The following PRRX2 variants were observed in gnomAD, a reference collection of about 807,000 sequenced individuals.
The protein encoded by PRRX2 is paired mesoderm homeobox protein 2.
PRRX2 carries 11 observed loss-of-function variants against 18.0 expected under a neutral mutation model. The ratio of observed to expected loss-of-function variants is 0.61; its 90% CI spans 0.39 to 1.01. The LOEUF (loss-of-function observed/expected upper bound fraction) is 1.01. PRRX2 is among the 50% of genes least tolerant of loss of function. The pLI is 0.01. For missense variants in PRRX2, 387 were observed against 351.0 expected (o/e 1.10, Z -0.82); for synonymous variants, 177 against 154.8 (o/e 1.14, Z -1.06).
chr9:129,673,493 A>C (rs1465427215), intron 1 of PRRX2, among the ~76,000 whole-genome samples: 1 of 152,142 alleles, frequency 6.6e-6, no homozygotes, highest in Non-Finnish European at 1.5e-5. Flanking sequence ...AGGTTCCCAA[A>C]ATTGACTTCA....
chr9:129,712,245 A>T (rs1343734549), intron 1 of PRRX2, among the ~76,000 whole-genome samples: 2 of 152,224 alleles, frequency 1.3e-5, no homozygotes, highest in Non-Finnish European at 2.9e-5. Flanking sequence ...AATGCTAATT[A>T]ATAAAAGTTA....
In PRRX2 at chr9:129,681,067, G is replaced by A. The variant is rs866933711; in HGVS notation, c.259+14941G>A. On this transcript the variant is annotated intron_variant, in intron 1 of 3. Coordinates refer to ENST00000372469, the MANE Select transcript of PRRX2 (RefSeq NM_016307.4). ...AGCATTGCAGATGGGTACTCCCTGCGTGCCTAGAGCGTGCACATGCACTCG... is the reference window on the plus strand; with the variant it reads ...AGCATTGCAGATGGGTACTCCCTGCATGCCTAGAGCGTGCACATGCACTCG... Among the ~76,000 whole-genome samples the A allele has an allele frequency of 7.9e-5, 12 of 152,324 alleles. No individual in the cohort carries two copies. The South Asian group carries it at 1.9e-3, about 24-fold the overall frequency.
chr9:129,699,549 T>C (rs1323006348), intron 1 of PRRX2, among the ~76,000 whole-genome samples: 1 of 152,008 alleles, frequency 6.6e-6, no homozygotes, highest in Non-Finnish European at 1.5e-5. Flanking sequence ...TGGTGTATAG[T>C]GCATACAAAT....
intron 1 of PRRX2, among the ~76,000 whole-genome samples, chr9:129,698,276 G>C (rs13285695): frequency 8.1e-6 from 1 of 123,038 alleles, no homozygotes; most frequent in Non-Finnish European, 1.8e-5. Flanking sequence ...GGGGGGGCGG[G>C]GGCACTTAGG....
intron 1 of PRRX2, among the ~76,000 whole-genome samples, chr9:129,669,040 G>C (rs955098389): frequency 4.6e-5 from 7 of 150,720 alleles, no homozygotes; most frequent in African/African-American, 1.2e-4. Flanking sequence ...CCAGCTACTC[G>C]GGAGGCTGAG....
intron 1 of PRRX2, among the ~76,000 whole-genome samples, chr9:129,708,357 T>G (rs1370769145): frequency 6.6e-6 from 1 of 152,224 alleles, no homozygotes; most frequent in Non-Finnish European, 1.5e-5. Context: ...CTTTTGATTC[T>G]AACTATCCTA....
chr9:129,719,411 G>C lies in PRRX2; in HGVS notation c.440G>C (p.Arg147Pro), dbSNP rs763744669. The C allele has an allele frequency of 6.5e-7, 1 of 1,532,734 alleles. No homozygotes were observed. Among genetic ancestry groups the C allele is most frequent in the South Asian group, 1.2e-5 (1 of 82,974 alleles). 94.9% of individuals were successfully genotyped at this position (1,532,734 alleles called of 1,614,324 possible). Residue 147 changes from arginine to proline, a missense_variant, in exon 2 of 4, where the codon CGC becomes CCC. Physicochemically the swap from Arg to Pro is moderately radical, Grantham distance 103. Transcript: ENST00000372469. ...LARRVNLSEA[R>P]VQVWFQNRRA... The stretch of plus-strand genomic sequence containing the variant: ...CGGCGCGTCAACCTCAGCGAGGCGC[G>C]CGTTCAGGTGAGCGCTCAGTCCCGG...
intron 1 of PRRX2, among the ~76,000 whole-genome samples, chr9:129,668,684 G>A (rs1467571828): frequency 1.3e-5 from 2 of 150,846 alleles, no homozygotes; most frequent in African/African-American, 4.9e-5. Context: ...AGCTGAGACA[G>A]GAGAATCCCT....
rs939058859 is a variant in PRRX2, at chr9:129,671,481, A to G, written c.259+5355A>G. Among the ~76,000 whole-genome samples the G allele has an allele frequency of 1.3e-5, 2 of 152,178 alleles. No individual in the cohort carries two copies. Among genetic ancestry groups the G allele is most frequent in the African/African-American group, 4.8e-5 (2 of 41,446 alleles). On this transcript the variant is annotated intron_variant, in intron 1 of 3. Transcript: ENST00000372469. The surrounding 1 kb of genome is among the most constrained non-coding windows in gnomAD (Gnocchi z 4.0). Reference sequence around the variant, plus strand: ...AGCAGAAACTCAACAGGCTGGAGCCACCACTGTCCCCTCCCAGAAAACTCC... The same window carrying G: ...AGCAGAAACTCAACAGGCTGGAGCCGCCACTGTCCCCTCCCAGAAAACTCC...
intron 1 of PRRX2, among the ~76,000 whole-genome samples, chr9:129,707,660 G>T (rs948323650): frequency 2.0e-5 from 3 of 151,726 alleles, no homozygotes; most frequent in African/African-American, 7.3e-5. Flanking sequence ...GTACGGTGAT[G>T]TGCGCCTGTA....
rs921127446 is a variant in PRRX2, at chr9:129,711,883, G to A, written c.260-7348G>A. Among the ~76,000 whole-genome samples the A allele has an allele frequency of 2.6e-5, 4 of 152,102 alleles. 1 individual carries two copies. The South Asian group carries it at 8.3e-4, about 32-fold the overall frequency. On this transcript the variant is annotated intron_variant, in intron 1 of 3. Transcript: ENST00000372469. ...GAATCCTCCCTCAAGCCTCCCTCAG[G>A]GCCACTTGTGTCCTTGCTGATGATG...
intron 1 of PRRX2, among the ~76,000 whole-genome samples, chr9:129,686,089 C>T (rs903632540): frequency 5.9e-5 from 9 of 152,190 alleles, no homozygotes; most frequent in Admixed American, 2.0e-4. Flanking sequence ...AGAGTACCAG[C>T]GTCCAAGGAG....
rs769015916 is a variant in PRRX2 at position 129,709,970 on chromosome 9, G to A, written c.260-9261G>A. ...TGCCAGCCCCTGTGATGCATTCCAA[G>A]GAGACAGAAAACAGTAAGTCCCAGC... On this transcript the variant is annotated intron_variant, in intron 1 of 3. Coordinates refer to ENST00000372469, the MANE Select transcript of PRRX2 (RefSeq NM_016307.4). The surrounding 1 kb of genome is among the most constrained non-coding windows in gnomAD (Gnocchi z 4.2). 1.5e-4 allele frequency among the ~76,000 whole-genome samples: 23 copies of A among 152,120 alleles called. No homozygotes were observed. The highest frequency in any genetic ancestry group is 8.3e-4 in the South Asian group (4 of 4,830).
At position 129,722,342 on chromosome 9, in the gene PRRX2, C is replaced by A; in HGVS notation, c.752C>A (p.Thr251Lys). The change falls in exon 4 of 4, where the codon ACG becomes AAG. Residue 251 changes from threonine (T) to lysine (K), a missense_variant. Thr to Lys is a moderately conservative substitution (Grantham distance 78). Transcript: ENST00000372469. ...EFSLHHSQVP[T>K]VN ...AGCCTGCACCACAGCCAGGTGCCTA[C>A]GGTGAACTGAAGTCCAGTCCCACCA... The A allele has an allele frequency of 1.9e-6, 3 of 1,613,920 alleles. No homozygotes were observed. Among genetic ancestry groups the A allele is most frequent in the South Asian group, 2.2e-5 (2 of 91,084 alleles).
intron 1 of PRRX2, among the ~76,000 whole-genome samples, chr9:129,688,143 A>G (rs1419134324): frequency 6.6e-6 from 1 of 151,382 alleles, no homozygotes; most frequent in Non-Finnish European, 1.5e-5. Context: ...GCTCACTGCA[A>G]CCTCCGCCTC....
intron 1 of PRRX2, among the ~76,000 whole-genome samples, chr9:129,672,602 G>T (rs1832113162): frequency 6.6e-6 from 1 of 152,224 alleles, no homozygotes; most frequent in African/African-American, 2.4e-5. Context: ...CCCGGGGTTG[G>T]GGGGTTTCTC....
At position 129,665,925 on chromosome 9, in the gene PRRX2, C is replaced by A; in HGVS notation, c.58C>A (p.Pro20Thr). 1 of 1,115,610 alleles carries A rather than the reference C, an allele frequency of 9.0e-7. No homozygotes were observed. Among genetic ancestry groups the A allele is most frequent in the Non-Finnish European group, 1.1e-6 (1 of 914,276 alleles). The allele number at this position is 1,115,610 out of a possible 1,614,324, so 69.1% of individuals were successfully genotyped here. ...LDKPALGPGP[P>T]PPPPALGPGD... ...CAAGCCGGCGCTGGGCCCGGGGCCG[C>A]CGCCGCCTCCACCCGCGCTGGGGCC... The change falls in exon 1 of 4, where the codon CCG (proline) becomes ACG (threonine). Residue 20 changes from proline (P) to threonine (T), a missense_variant. By Grantham distance (38) the Pro-to-Thr change is conservative. Coordinates refer to ENST00000372469, the MANE Select transcript of PRRX2 (RefSeq NM_016307.4). This position sits in a 1 kb window ranked among gnomAD's most constrained non-coding sequence, Gnocchi z 5.3.
At chr9:129,721,667 C>G (rs986720528) in intron 3 of PRRX2, among the ~76,000 whole-genome samples, 17 of 152,276 alleles carry the variant, frequency 1.1e-4, no homozygotes, top group African/African-American at 4.1e-4. Flanking sequence ...GCAACCTCCG[C>G]CTCCCAGGCT....
intron 3 of PRRX2, 75 bp downstream of exon 3, chr9:129,720,849 CTCT>C: frequency 7.2e-7 from 1 of 1,397,554 alleles, no homozygotes; most frequent in Non-Finnish European, 9.4e-7. Context: ...GCCTGGACTC[CTCT>C]GAGGGTCTGG....
Sources: gnomAD v4.1 joint callset for allele counts (sites outside exome capture counted in the v4.1 genomes callset) on GRCh38, gnomAD v4.1.1 for gene constraint, Gnocchi (gnomAD v3.1) non-coding constraint, MANE v1.5 for transcripts, NCBI Gene and HGNC (gene_info 2026-07-23, HGNC 2026-07-21) for gene names.